Variants in SMYD3 observed in about 807,000 individuals in gnomAD.
SMYD3 encodes the protein SET and MYND domain containing 3.
In SMYD3, 36 loss-of-function variants were observed where a neutral mutation model predicts 57.7. The ratio of observed to expected loss-of-function variants is 0.62; its 90% confidence interval spans 0.48 to 0.82. The LOEUF is 0.82. SMYD3 is among the 40% of genes least tolerant of loss of function. SMYD3 has a pLI of 0.00. For missense variants in SMYD3, 515 were observed against 538.8 expected (o/e 0.96, Z 0.44); for synonymous variants, 211 against 195.0 (o/e 1.08, Z -0.68).
chr1:246,308,961 A>C (rs1442467312), intron 5 of SMYD3, among the ~76,000 whole-genome samples: 1 of 152,186 alleles, frequency 6.6e-6, no homozygotes, highest in Non-Finnish European at 1.5e-5. Flanking sequence ...CTAAGATAGT[A>C]AGATTTTATT....
chr1:245,985,311 C>G (rs946602787), intron 5 of SMYD3, among the ~76,000 whole-genome samples: 5 of 152,150 alleles, frequency 3.3e-5, no homozygotes, highest in African/African-American at 1.2e-4. Context: ...ATCTAGACTT[C>G]TCTTCTAAAC....
intron 5 of SMYD3, among the ~76,000 whole-genome samples, chr1:245,981,522 C>A (rs2058596069): frequency 6.6e-6 from 1 of 152,162 alleles, no homozygotes; most frequent in Admixed American, 6.5e-5. Context: ...ACTTGCAAAG[C>A]GGTTTAAATT....
chr1:245,980,460 G>A (rs1019484728), intron 5 of SMYD3, among the ~76,000 whole-genome samples: 1 of 152,350 alleles, frequency 6.6e-6, no homozygotes, highest in East Asian at 1.9e-4. Flanking sequence ...TTGGAAGGAC[G>A]TCTGTAGATG....
intron 5 of SMYD3, among the ~76,000 whole-genome samples, chr1:246,062,130 C>T (rs1466462349): frequency 6.6e-6 from 1 of 152,138 alleles, no homozygotes; most frequent in African/African-American, 2.4e-5. Context: ...CTCATTAGGA[C>T]TGAGAATCAG....
At chr1:246,053,586 C>T (rs1014917801) in intron 5 of SMYD3, among the ~76,000 whole-genome samples, 15 of 152,010 alleles carry the variant, frequency 9.9e-5, no homozygotes, top group Admixed American at 3.9e-4. Context: ...AAAAATGATG[C>T]AGGAACAACT....
chr1:245,897,087 T>C (rs2053865506), intron 8 of SMYD3, among the ~76,000 whole-genome samples: 1 of 152,134 alleles, frequency 6.6e-6, no homozygotes, highest in Admixed American at 6.5e-5. Context: ...AGATGAATAA[T>C]GTAGTAGCAT....
intron 10 of SMYD3, among the ~76,000 whole-genome samples, chr1:245,778,381 TA>T (rs897689126): frequency 5.9e-5 from 9 of 152,068 alleles, no homozygotes; most frequent in Non-Finnish European, 1.0e-4. Context: ...TGTAGCCAAT[TA>T]TTTTTTTTTT....
At chr1:245,948,172 CA>C (rs2057491120) in intron 5 of SMYD3, among the ~76,000 whole-genome samples, 2 of 152,172 alleles carry the variant, frequency 1.3e-5, no homozygotes, top group Non-Finnish European at 2.9e-5. Context: ...AGAGGGGCCT[CA>C]AGGTGACTGA....
At chr1:245,980,563 A>G (rs1429755306) in intron 5 of SMYD3, among the ~76,000 whole-genome samples, 3 of 152,260 alleles carry the variant, frequency 2.0e-5, no homozygotes, top group Admixed American at 2.0e-4. Flanking sequence ...CTTTCTGCTT[A>G]TCACACACAT....
intron 1 of SMYD3, among the ~76,000 whole-genome samples, chr1:246,452,227 CA>C (rs1297221635): frequency 2.6e-5 from 4 of 152,122 alleles, no homozygotes; most frequent in African/African-American, 4.8e-5. Context: ...ACTTGCGGGC[CA>C]GGGGCGGTGG....
At chr1:246,295,211 G>A (rs756119352) in intron 5 of SMYD3, among the ~76,000 whole-genome samples, 3 of 152,052 alleles carry the variant, frequency 2.0e-5, no homozygotes, top group Non-Finnish European at 4.4e-5. Flanking sequence ...TCCCTAGGTG[G>A]TAACGTTCTT....
chr1:246,281,080 A>G (rs1267407279), intron 5 of SMYD3, among the ~76,000 whole-genome samples: 2 of 152,204 alleles, frequency 1.3e-5, no homozygotes, highest in South Asian at 2.1e-4. Flanking sequence ...GGAAATAAAG[A>G]TTTTTCTAAT....
At chr1:245,815,304 A>G (rs1006711706) in intron 10 of SMYD3, among the ~76,000 whole-genome samples, 7 of 152,240 alleles carry the variant, frequency 4.6e-5, no homozygotes, top group African/African-American at 1.7e-4. Context: ...GGTTAACTCA[A>G]CACGAAGGAG....
intron 5 of SMYD3, among the ~76,000 whole-genome samples, chr1:246,225,222 AT>A (rs1430866153): frequency 1.3e-5 from 2 of 149,656 alleles, no homozygotes; most frequent in Non-Finnish European, 3.0e-5. Context: ...CCGTCAAAAG[AT>A]GTTGAAAAGA....
intron 1 of SMYD3, among the ~76,000 whole-genome samples, chr1:246,478,021 C>T (rs2068050666): frequency 6.6e-6 from 1 of 152,202 alleles, no homozygotes; most frequent in East Asian, 1.9e-4. Flanking sequence ...GCAAAGATGA[C>T]TGAGAGAATT....
chr1:245,814,400 T>A (rs748273570), intron 10 of SMYD3: 2 of 984,740 alleles, frequency 2.0e-6, no homozygotes, highest in Middle Eastern at 1.0e-3. Context: ...GAAGATTCTT[T>A]CCTGGTCTTC....
intron 5 of SMYD3, among the ~76,000 whole-genome samples, chr1:246,267,051 T>C (rs558017447): frequency 2.9e-4 from 44 of 152,320 alleles, no homozygotes; most frequent in African/African-American, 1.0e-3. Flanking sequence ...TGCCCCAAAG[T>C]TACAGAATAT....
At chr1:246,242,057 T>C (rs967979349) in intron 5 of SMYD3, among the ~76,000 whole-genome samples, 14 of 151,626 alleles carry the variant, frequency 9.2e-5, no homozygotes, top group African/African-American at 3.4e-4. Context: ...GATTCATTGA[T>C]TTTTGAAGGG....
At chr1:246,146,708 CTAA>C (rs2061848595) in intron 5 of SMYD3, among the ~76,000 whole-genome samples, 1 of 152,134 alleles carries the variant, frequency 6.6e-6, no homozygotes, top group African/African-American at 2.4e-5. Flanking sequence ...GCCCAGGAAT[CTAA>C]TAATGGGGCC....
Sources: gnomAD v4.1 joint callset for allele counts (sites outside exome capture counted in the v4.1 genomes callset) on GRCh38, gnomAD v4.1.1 for gene constraint, MANE v1.5 for transcripts, NCBI Gene and HGNC (gene_info 2026-07-23, HGNC 2026-07-21) for gene names.